Variants in CEP128 observed in about 807,000 individuals in gnomAD.
CEP128 encodes the protein centrosomal protein 128, also known as centrosomal protein 128kDa.
In CEP128, 132 loss-of-function variants were observed where a neutral mutation model predicts 156.7. The observed-to-expected ratio is 0.84, with a 90% CI of 0.73 to 0.97. The LOEUF (loss-of-function observed/expected upper bound fraction) is 0.97, where lower values mean the gene tolerates loss of function less well. Among genes scored for constraint, CEP128 ranks in the 50% least tolerant of loss-of-function variants. CEP128 has a pLI of 0.00. For synonymous variants in CEP128, 469 were observed against 448.9 expected, an observed-to-expected ratio of 1.04 and a Z score of -0.57; for missense variants, 1,252 against 1,281.9, an observed-to-expected ratio of 0.98 and a Z score of 0.36.
intron 19 of CEP128, among the ~76,000 whole-genome samples, chr14:80,675,924 A>G (rs1595195136): frequency 6.6e-6 from 1 of 152,220 alleles, no homozygotes; most frequent in South Asian, 2.1e-4. Context: ...TTGTTCATCC[A>G]TGAACCAATG....
intron 4 of CEP128, among the ~76,000 whole-genome samples, chr14:80,909,770 G>A (rs1205618591): frequency 6.6e-6 from 1 of 152,132 alleles, no homozygotes; most frequent in Non-Finnish European, 1.5e-5. Context: ...AGTGATGTAT[G>A]GAGCCAATTT....
At chr14:80,668,899 C>T (rs1031991258) in intron 19 of CEP128, among the ~76,000 whole-genome samples, 1 of 152,126 alleles carries the variant, frequency 6.6e-6, no homozygotes, top group African/African-American at 2.4e-5. Flanking sequence ...AAAGGAAGTT[C>T]CCCTGCACAA....
At chr14:80,731,527 G>A (rs143381504) in intron 19 of CEP128, among the ~76,000 whole-genome samples, 167 of 152,250 alleles carry the variant, frequency 1.1e-3, no homozygotes, top group African/African-American at 3.9e-3. Flanking sequence ...CACTTGTATA[G>A]GACTGTGGGT....
At chr14:80,527,878 T>A (rs1254702116) in intron 22 of CEP128, among the ~76,000 whole-genome samples, 2 of 152,002 alleles carry the variant, frequency 1.3e-5, no homozygotes, top group South Asian at 2.1e-4. Flanking sequence ...GCCTTTTTTC[T>A]TTTTTTTCCT....
At chr14:80,828,367 CCTG>C (rs1193373719) in intron 13 of CEP128, among the ~76,000 whole-genome samples, 6 of 152,124 alleles carry the variant, frequency 3.9e-5, no homozygotes, top group Admixed American at 2.0e-4. Flanking sequence ...AAGTGATCCG[CCTG>C]CCTTGGCCTC....
chr14:80,633,713 C>A (rs1467185222), intron 19 of CEP128, among the ~76,000 whole-genome samples: 2 of 152,198 alleles, frequency 1.3e-5, no homozygotes, highest in Non-Finnish European at 2.9e-5. Flanking sequence ...AGACTTATCT[C>A]ATTCACCACT....
chr14:80,623,501 A>C (rs952334038), intron 19 of CEP128, among the ~76,000 whole-genome samples: 10 of 151,752 alleles, frequency 6.6e-5, no homozygotes, highest in African/African-American at 2.4e-4. Flanking sequence ...TGAAAACCTA[A>C]AAATAAAAAA....
intron 19 of CEP128, among the ~76,000 whole-genome samples, chr14:80,725,687 G>C (rs1032032773): frequency 2.6e-5 from 4 of 152,138 alleles, no homozygotes; most frequent in Non-Finnish European, 5.9e-5. Context: ...ATGCTAATTA[G>C]AGAAGATTGT....
chr14:80,748,767 G>GAAGAGTAA (rs922116544), intron 18 of CEP128, among the ~76,000 whole-genome samples: 22 of 152,246 alleles, frequency 1.4e-4, no homozygotes, highest in Middle Eastern at 3.4e-3. Context: ...AAAGGAGAGG[G>GAAGAGTAA]AAGAGTAAAA....
chr14:80,782,378 C>A (rs541856372), intron 15 of CEP128, among the ~76,000 whole-genome samples: 1 of 152,164 alleles, frequency 6.6e-6, no homozygotes, highest in Non-Finnish European at 1.5e-5. Context: ...CAACCTCTGA[C>A]GGCAGATTTT....
intron 23 of CEP128, among the ~76,000 whole-genome samples, chr14:80,512,755 A>T (rs1888317499): frequency 6.6e-6 from 1 of 151,818 alleles, no homozygotes; most frequent in South Asian, 2.1e-4. Context: ...TTTTTGATTT[A>T]AGGTTATCAT....
intron 21 of CEP128, among the ~76,000 whole-genome samples, chr14:80,547,821 G>A (rs1385857956): frequency 2.1e-5 from 3 of 144,610 alleles, no homozygotes; most frequent in African/African-American, 7.7e-5. Context: ...TTTTTGAGAC[G>A]GAGCTTCGCT....
intron 20 of CEP128, among the ~76,000 whole-genome samples, chr14:80,564,351 C>A (rs1431151468): frequency 6.6e-6 from 1 of 152,136 alleles, no homozygotes; most frequent in African/African-American, 2.4e-5. Flanking sequence ...AATAATGTGG[C>A]TAGACATCAT....
At chr14:80,707,912 T>C (rs1392016957) in intron 19 of CEP128, among the ~76,000 whole-genome samples, 1 of 152,176 alleles carries the variant, frequency 6.6e-6, no homozygotes, top group Admixed American at 6.5e-5. Context: ...TTAACTTTGT[T>C]TGAAAATTAC....
Position 80,916,456 on chromosome 14 carries a change from C to T in CEP128, c.92G>A (p.Ser31Asn), listed in dbSNP as rs1402791534. Reference sequence around the variant, plus strand: ...CTCGGTAACTTCTACTGTAGGAAGACTTCGAGTTCCCCTGTGCGTTGATCT... The same window carrying T: ...CTCGGTAACTTCTACTGTAGGAAGATTTCGAGTTCCCCTGTGCGTTGATCT... ...AARSTHRGTRSLPTVEVTEKV... is the reference protein window; with the variant it reads ...AARSTHRGTRNLPTVEVTEKV... Residue 31 changes from serine to asparagine, a missense_variant, in exon 3 of 25, where the codon AGT becomes AAT. By Grantham distance (46) the Ser-to-Asn change is conservative (BLOSUM62 1). Coordinates refer to ENST00000555265, the MANE Select transcript of CEP128 (RefSeq NM_152446.5). 6.2e-6 allele frequency: 10 copies of T among 1,613,966 alleles called. No homozygotes were observed. In the South Asian group the frequency reaches 9.9e-5, roughly 16 times the overall value.
intron 19 of CEP128, among the ~76,000 whole-genome samples, chr14:80,675,281 G>C (rs1364322562): frequency 6.6e-6 from 1 of 152,044 alleles, no homozygotes; most frequent in Non-Finnish European, 1.5e-5. Flanking sequence ...ACATACCACT[G>C]TTAGACACAT....
chr14:80,503,169 TGAA>T (rs1166953678), intron 24 of CEP128, among the ~76,000 whole-genome samples: 69 of 152,318 alleles, frequency 4.5e-4, no homozygotes, highest in Admixed American at 4.5e-3. Flanking sequence ...ATTAAACTAA[TGAA>T]GAGTTTTACT....
intron 2 of CEP128, among the ~76,000 whole-genome samples, chr14:80,933,127 G>C (rs1885564965): frequency 6.6e-6 from 1 of 152,070 alleles, no homozygotes; most frequent in Non-Finnish European, 1.5e-5. Context: ...CAACCTCACA[G>C]TCAATCCCCC....
intron 14 of CEP128, among the ~76,000 whole-genome samples, chr14:80,788,788 T>C (rs1901554972): frequency 6.6e-6 from 1 of 152,146 alleles, no homozygotes; most frequent in African/African-American, 2.4e-5. Flanking sequence ...GCTCCTTATT[T>C]CTAGAACTCA....
Sources: allele counts gnomAD v4.1 joint callset (sites outside exome capture counted in the v4.1 genomes callset), GRCh38; gene constraint gnomAD v4.1.1; transcripts MANE v1.5; gene names NCBI Gene and HGNC (gene_info 2026-07-23, HGNC 2026-07-21).